Variants in CERKL observed in about 807,000 individuals in gnomAD.
CERKL encodes the protein CERK like autophagy regulator.
In CERKL, 61 loss-of-function variants were observed where a neutral mutation model predicts 63.4. The observed-to-expected ratio is 0.96, with a 90% CI of 0.78 to 1.19. The LOEUF is 1.19. CERKL is among the 50% of genes most tolerant of loss of function. The pLI, the probability that CERKL is intolerant of heterozygous loss-of-function variation, is 0.00. For missense variants in CERKL, 675 were observed against 655.5 expected (o/e 1.03, Z -0.33); for synonymous variants, 250 against 230.5 (o/e 1.08, Z -0.77).
chr2:181,595,500 T>G (rs1308979507), intron 2 of CERKL, among the ~76,000 whole-genome samples: 2 of 152,160 alleles, frequency 1.3e-5, no homozygotes, highest in African/African-American at 4.8e-5. Flanking sequence ...CAGTAGAGTC[T>G]AAATCTACTA....
At chr2:181,644,861 G>A (rs1687603366) in intron 1 of CERKL, among the ~76,000 whole-genome samples, 1 of 152,180 alleles carries the variant, frequency 6.6e-6, no homozygotes, top group South Asian at 2.1e-4. Context: ...CCCAGCAGCT[G>A]GAACAGCAAG....
intron 1 of CERKL, among the ~76,000 whole-genome samples, chr2:181,616,467 C>T (rs958132625): frequency 6.6e-6 from 1 of 152,072 alleles, no homozygotes; most frequent in African/African-American, 2.4e-5. Context: ...CTGCCTCGGC[C>T]TCCCAAAGTG....
Position 181,548,692 on chromosome 2 carries a change from A to C in CERKL, c.1061T>G (p.Leu354Arg). The change falls in exon 7 of 13, where the codon CTG (leucine) becomes CGG (arginine). Residue 354 changes from leucine to arginine, a missense_variant. Transcript: ENST00000410087. Reference sequence around the variant, plus strand: ...GAAAAAGACTTACTTAAGTTTTGCCAGTGCCTTAACAACAGCAAAATCTCT... The same window carrying C: ...GAAAAAGACTTACTTAAGTTTTGCCCGTGCCTTAACAACAGCAAAATCTCT... ...QRRDFAVVKA[L>R]AKLKAEDCEI... The C allele has an allele frequency of 6.2e-7, 1 of 1,613,990 alleles. No individual in the cohort carries two copies.
intron 1 of CERKL, among the ~76,000 whole-genome samples, chr2:181,621,364 G>C (rs1297138422): frequency 1.3e-5 from 2 of 152,024 alleles, no homozygotes; most frequent in African/African-American, 4.8e-5. Flanking sequence ...ATATAGTTTA[G>C]GCTCCTAGTC....
intron 1 of CERKL, among the ~76,000 whole-genome samples, chr2:181,609,551 A>AAAAAAAAAAAAAAAAAAAAAAAAAAC (rs1685873262): frequency 6.8e-6 from 1 of 147,774 alleles, no homozygotes; most frequent in Non-Finnish European, 1.5e-5. Flanking sequence ...AAAAAAAAAA[A>AAAAAAAAAAAAAAAAAAAAAAAAAAC]AAAAATTTGC....
At chr2:181,609,517 G>A (rs1403534933) in intron 1 of CERKL, among the ~76,000 whole-genome samples, 13 of 104,724 alleles carry the variant, frequency 1.2e-4, no homozygotes, top group African/African-American at 4.9e-4. Context: ...CCACCATGGT[G>A]AAACCCTGTC....
chr2:181,561,091 T>C (rs536491875), intron 4 of CERKL, among the ~76,000 whole-genome samples: 1 of 152,230 alleles, frequency 6.6e-6, no homozygotes, highest in South Asian at 2.1e-4. Flanking sequence ...TCTTGTCTTT[T>C]GGAGTTTAGG....
intron 5 of CERKL, among the ~76,000 whole-genome samples, chr2:181,556,797 T>A (rs376515128): frequency 6.6e-6 from 1 of 152,228 alleles, no homozygotes; most frequent in Non-Finnish European, 1.5e-5. Context: ...TTTCTAGTTC[T>A]AGATCCCTGA....
intron 1 of CERKL, among the ~76,000 whole-genome samples, chr2:181,630,525 C>T (rs970125374): frequency 6.6e-6 from 1 of 152,150 alleles, no homozygotes; most frequent in African/African-American, 2.4e-5. Flanking sequence ...GCATAGGGTC[C>T]TAATCCAATA....
intron 1 of CERKL, among the ~76,000 whole-genome samples, chr2:181,623,572 A>G (rs961177666): frequency 6.6e-6 from 1 of 152,168 alleles, no homozygotes; most frequent in Non-Finnish European, 1.5e-5. Flanking sequence ...TTAATTGGAA[A>G]CCTTCCACAT....
chr2:181,598,299 T>C (rs1259324011), intron 2 of CERKL, among the ~76,000 whole-genome samples: 1 of 152,102 alleles, frequency 6.6e-6, no homozygotes, highest in African/African-American at 2.4e-5. Context: ...ATTTTGGTGG[T>C]TGCCTTCAGA....
At chr2:181,594,427 A>C (rs1234484943) in intron 2 of CERKL, among the ~76,000 whole-genome samples, 1 of 152,132 alleles carries the variant, frequency 6.6e-6, no homozygotes, top group African/African-American at 2.4e-5. Context: ...TGAACTTCAA[A>C]CCAGATTTCA....
At chr2:181,562,294 C>G (rs1177531536) in intron 4 of CERKL, among the ~76,000 whole-genome samples, 1 of 152,162 alleles carries the variant, frequency 6.6e-6, no homozygotes, top group Non-Finnish European at 1.5e-5. Flanking sequence ...AATGAATACC[C>G]TACATTTATC....
chr2:181,568,065 C>T (rs1466875397), intron 3 of CERKL, among the ~76,000 whole-genome samples: 1 of 152,134 alleles, frequency 6.6e-6, no homozygotes, highest in Admixed American at 6.6e-5. Context: ...ACACAATTCT[C>T]ACTGCTGGGA....
intron 2 of CERKL, 83 bp from the exon 3 acceptor site, chr2:181,573,967 T>C: frequency 2.3e-6 from 3 of 1,311,016 alleles, no homozygotes; most frequent in Non-Finnish European, 3.3e-6. Context: ...CACAAGTCTG[T>C]TAGAATGTTA....
chr2:181,584,350 G>GA (rs112462086), intron 2 of CERKL, among the ~76,000 whole-genome samples: 32,775 of 146,406 alleles, frequency 0.22, 3,965 homozygotes, highest in African/African-American at 0.34. Flanking sequence ...TGTCTCTACA[G>GA]AAAAAAAAAA....
chr2:181,564,660 T>A (rs1268192868), intron 4 of CERKL, among the ~76,000 whole-genome samples: 1 of 152,216 alleles, frequency 6.6e-6, no homozygotes, highest in Non-Finnish European at 1.5e-5. Flanking sequence ...GAACATTCTG[T>A]AATGCTGCTG....
intron 1 of CERKL, among the ~76,000 whole-genome samples, chr2:181,633,585 T>A (rs544037021): frequency 6.6e-6 from 1 of 152,242 alleles, no homozygotes; most frequent in African/African-American, 2.4e-5. Flanking sequence ...TTAAGTCCAA[T>A]AAATAAAAGT....
At chr2:181,646,194 A>G (rs1574065273) in intron 1 of CERKL, among the ~76,000 whole-genome samples, 1 of 152,198 alleles carries the variant, frequency 6.6e-6, no homozygotes. Flanking sequence ...GGGTGTTTAG[A>G]AATAGTGAGT....
Sources: allele counts gnomAD v4.1 joint callset (sites outside exome capture counted in the v4.1 genomes callset), GRCh38; gene constraint gnomAD v4.1.1; transcripts MANE v1.5; gene names NCBI Gene and HGNC (gene_info 2026-07-23, HGNC 2026-07-21).